The following ZNF544 variants were observed in gnomAD, a reference collection of about 807,000 sequenced individuals.
ZNF544 encodes zinc finger protein AF020591.
Under a neutral mutation model 13.5 loss-of-function variants are expected in ZNF544, and 10 were observed. That is an observed-to-expected ratio of 0.74 (90% CI 0.46 to 1.25). The LOEUF (loss-of-function observed/expected upper bound fraction) is 1.25. ZNF544 is among the 50% of genes most tolerant of loss of function. The probability of loss-of-function intolerance (pLI) is 0.00; values close to 1 mark genes in which losing one functional copy is unlikely to be tolerated. For synonymous variants in ZNF544, 323 were observed against 300.5 expected (o/e 1.07, Z -0.77); for missense variants, 896 against 845.6 (o/e 1.06, Z -0.74).
At position 58,249,195 on chromosome 19, in the gene ZNF544, A is replaced by T. The variant is rs964778771; in HGVS notation, c.244+2401A>T. Among the ~76,000 whole-genome samples the T allele has an allele frequency of 3.3e-5, 5 of 152,048 alleles. No individual in the cohort carries two copies. The East Asian group carries it at 9.6e-4, about 29-fold the overall frequency. On this transcript the variant is annotated intron_variant, in intron 6 of 6. Coordinates refer to ENST00000687789, the MANE Select transcript of ZNF544 (RefSeq NM_014480.4). ...TCACCCTTAGGTTTCTTGCCTCCAT[A>T]CCCTGTTCTCATACCTCATTTCCCC...
intron 6 of ZNF544, among the ~76,000 whole-genome samples, chr19:58,256,199 C>T (rs260456): frequency 0.58 from 88,799 of 151,908 alleles, 26,122 homozygotes; most frequent in Middle Eastern, 0.68. Flanking sequence ...AATCCCAAAC[C>T]TCGAGCCTAC....
At chr19:58,256,811 G>A (rs12983169) in intron 6 of ZNF544, among the ~76,000 whole-genome samples, 39,198 of 151,420 alleles carry the variant, frequency 0.26, 5,965 homozygotes, top group Middle Eastern at 0.45. Flanking sequence ...TAAATTAAGG[G>A]GTCAATTGGA....
intron 6 of ZNF544, among the ~76,000 whole-genome samples, chr19:58,253,077 C>G (rs1054023694): frequency 5.3e-5 from 8 of 152,226 alleles, no homozygotes; most frequent in African/African-American, 1.9e-4. Context: ...CTTGGCCTCC[C>G]AAAGTGCTGG....
rs575808205 is a variant in ZNF544 at position 58,262,979 on chromosome 19, A to T, written c.*225A>T. ...CCTTAGTAAACACGAGAGGACACAC[A>T]CTGGAGGCAAACCCTATGAATGTGA... On this transcript the variant is annotated 3_prime_UTR_variant, in exon 7 of 7. Coordinates refer to ENST00000687789, the MANE Select transcript of ZNF544 (RefSeq NM_014480.4). 9.9e-5 allele frequency: 135 copies of T among 1,357,236 alleles called. No homozygotes were observed. In the African/African-American group the frequency reaches 1.9e-3, roughly 19 times the overall value. 84.1% of individuals were successfully genotyped at this position (1,357,236 alleles called of 1,614,324 possible). A position where few individuals can be genotyped will look rare whatever the true frequency, so the allele number is the denominator to read the frequency against.
chr19:58,261,333 G>A lies in ZNF544; in HGVS notation c.727G>A (p.Glu243Lys), dbSNP rs776893171. Residue 243 changes from glutamate to lysine, a missense_variant, in exon 7 of 7, where the codon GAA (glutamate) becomes AAA (lysine). By Grantham distance (56) the Glu-to-Lys change is moderately conservative (BLOSUM62 1). Coordinates refer to ENST00000687789, the MANE Select transcript of ZNF544 (RefSeq NM_014480.4). The stretch of plus-strand genomic sequence containing the variant: ...TGAAACAGGAAAGAAAAACCCTTAT[G>A]AATATATTGTCAGTGGTGACTCTCT... ...NVETGKKNPY[E>K]YIVSGDSLNY... is the part of the protein sequence containing the mutation. 6.2e-7 allele frequency: 1 copy of A among 1,614,102 alleles called. No individual in the cohort carries two copies.
intron 5 of ZNF544, among the ~76,000 whole-genome samples, chr19:58,269,912 C>T (rs552629529): frequency 6.6e-6 from 1 of 152,196 alleles, no homozygotes; most frequent in Non-Finnish European, 1.5e-5. Context: ...CAGAATGAGA[C>T]TCTGTCTCAA....
Position 58,262,319 on chromosome 19 carries a change from T to C in ZNF544, c.1713T>C (p.Thr571=). The C allele has an allele frequency of 6.2e-7, 1 of 1,614,062 alleles. No homozygotes were observed. Among genetic ancestry groups the C allele is most frequent in the Non-Finnish European group, 8.5e-7 (1 of 1,180,012 alleles). Residue 571 remains threonine (T), a synonymous_variant, in exon 7 of 7, where the codon ACT becomes ACC. Transcript: ENST00000687789. ...SNLVIHQRIH[T]GEKPYDCTHC... ...TCGTCATACATCAGAGAATTCATAC[T>C]GGAGAGAAACCGTACGATTGCACTC...
chr19:58,276,533 T>A (rs1198512086), intron 6 of ZNF544: 1 of 641,176 alleles, frequency 1.6e-6, no homozygotes, highest in Non-Finnish European at 2.2e-6. Flanking sequence ...AGTGGCGCAA[T>A]CTCAGCTAAT....
rs112124516 is a variant in ZNF544 at position 58,238,865 on chromosome 19, TA to T, written c.-59-5084del. ...CATCATTCAACCCACTAAGTCACGG[TA>T]AAAAAAAAAAAAAAATTACAATGCC... On this transcript the variant is annotated intron_variant, in intron 3 of 6. Coordinates refer to ENST00000687789, the MANE Select transcript of ZNF544 (RefSeq NM_014480.4). Among the ~76,000 whole-genome samples, 1,095 of 132,066 alleles carry T rather than the reference TA, an allele frequency of 8.3e-3. 8 individuals are homozygous for T. Among genetic ancestry groups the T allele is most frequent in the Middle Eastern group, 0.02 (5 of 256 alleles). 86.6% of individuals were successfully genotyped at this position (132,066 alleles called of 152,430 possible).
intron 6 of ZNF544, among the ~76,000 whole-genome samples, chr19:58,253,441 T>A (rs948416249): frequency 6.6e-6 from 1 of 152,148 alleles, no homozygotes; most frequent in Non-Finnish European, 1.5e-5. Context: ...TAGTCTGATT[T>A]GTTTATTTAT....
chr19:58,275,266 ATCCC>A (rs2051128562), intron 5 of ZNF544, among the ~76,000 whole-genome samples: 1 of 152,144 alleles, frequency 6.6e-6, no homozygotes, highest in African/African-American at 2.4e-5. Flanking sequence ...ACTCTGACTT[ATCCC>A]TGAATTCTTT....
intron 6 of ZNF544, among the ~76,000 whole-genome samples, chr19:58,255,745 G>A (rs981271961): frequency 2.0e-5 from 3 of 152,318 alleles, no homozygotes; most frequent in Middle Eastern, 3.4e-3. Context: ...GCGTGAGTTC[G>A]CCCTGGATGA....
At chr19:58,265,719 G>A (rs1207928700), downstream of ZNF544, among the ~76,000 whole-genome samples, 1 of 152,020 alleles carries the variant, frequency 6.6e-6, no homozygotes, top group Non-Finnish European at 1.5e-5. Context: ...TGCCTCCTAA[G>A]TAGCTGGGAC....
intron 5 of ZNF544, among the ~76,000 whole-genome samples, chr19:58,273,768 A>ATTT (rs1409441024): frequency 6.6e-6 from 1 of 151,692 alleles, no homozygotes; most frequent in African/African-American, 2.4e-5. Context: ...CACTCTTAAA[A>ATTT]GTCACTGAAG....
At position 58,246,396 on chromosome 19, in the gene ZNF544, A is replaced by T; in HGVS notation, c.129A>T (p.Thr43=). Residue 43 remains threonine (T), a synonymous_variant, in exon 5 of 7, where the codon ACA becomes ACT. Coordinates refer to ENST00000687789, the MANE Select transcript of ZNF544 (RefSeq NM_014480.4). ...LAQRTLYREV[T]LETWEHIVSL... The stretch of plus-strand genomic sequence containing the variant: ...AGAGGACACTGTACCGAGAGGTGAC[A>T]CTGGAGACCTGGGAGCATATTGTCT... 6.2e-7 allele frequency: 1 copy of T among 1,614,064 alleles called. No homozygotes were observed. The highest frequency in any genetic ancestry group is 1.3e-5 in the African/African-American group (1 of 75,014).
At chr19:58,270,226 A>G (rs2050458620) in intron 5 of ZNF544, among the ~76,000 whole-genome samples, 1 of 151,786 alleles carries the variant, frequency 6.6e-6, no homozygotes, top group Non-Finnish European at 1.5e-5. Flanking sequence ...ATAAAGGAGG[A>G]GGAGATGCAG....
chr19:58,271,690 C>T (rs1010151184), intron 5 of ZNF544, among the ~76,000 whole-genome samples: 2 of 152,076 alleles, frequency 1.3e-5, no homozygotes, highest in Non-Finnish European at 2.9e-5. Context: ...GCATTTAATT[C>T]CCTGGTGGTT....
At chr19:58,248,605 T>C (rs1211343627) in intron 6 of ZNF544, among the ~76,000 whole-genome samples, 1 of 152,156 alleles carries the variant, frequency 6.6e-6, no homozygotes. Flanking sequence ...ACCATTATAG[T>C]ATCAGACAGA....
chr19:58,271,481 A>G (rs2050629829), intron 5 of ZNF544, among the ~76,000 whole-genome samples: 1 of 152,042 alleles, frequency 6.6e-6, no homozygotes, highest in African/African-American at 2.4e-5. Context: ...ACATACCTGA[A>G]GTCCCAGCTA....
Sources: gnomAD v4.1 joint callset for allele counts (sites outside exome capture counted in the v4.1 genomes callset) on GRCh38, gnomAD v4.1.1 for gene constraint, MANE v1.5 for transcripts, NCBI Gene and HGNC (gene_info 2026-07-23, HGNC 2026-07-21) for gene names.